The following TTC28 variants were observed in gnomAD, a reference collection of about 807,000 sequenced individuals.
The protein encoded by TTC28 is tetratricopeptide repeat domain 28.
In TTC28, 61 loss-of-function variants were observed where a neutral mutation model predicts 198.0. The ratio of observed to expected loss-of-function variants is 0.31; its 90% CI spans 0.25 to 0.38. The LOEUF is 0.38. Ranked by LOEUF, TTC28 falls within the 10% of genes least tolerant of loss-of-function variation. The pLI is 1.00. For synonymous variants in TTC28, 1,171 were observed against 1,297.8 expected (o/e 0.90, Z 2.10); for missense variants, 2,678 against 3,164.0 (o/e 0.85, Z 3.69).
intron 2 of TTC28, among the ~76,000 whole-genome samples, chr22:28,345,563 G>A (rs1029018917): frequency 6.6e-5 from 10 of 152,134 alleles, no homozygotes; most frequent in African/African-American, 2.2e-4. Flanking sequence ...GCAACTTTGA[G>A]GGTTTGGCAA....
intron 17 of TTC28, among the ~76,000 whole-genome samples, chr22:27,993,842 C>T (rs1937501164): frequency 6.6e-6 from 1 of 152,224 alleles, no homozygotes; most frequent in African/African-American, 2.4e-5. Context: ...AGGGGCCTGC[C>T]TCAACCATGT....
intron 12 of TTC28, among the ~76,000 whole-genome samples, chr22:28,087,210 A>C (rs1247555085): frequency 6.6e-6 from 1 of 152,186 alleles, no homozygotes; most frequent in African/African-American, 2.4e-5. Flanking sequence ...CAAAACAAAA[A>C]AAGAGAATTT....
At chr22:28,361,464 T>C (rs899461876) in intron 2 of TTC28, among the ~76,000 whole-genome samples, 3 of 152,088 alleles carry the variant, frequency 2.0e-5, no homozygotes, top group Non-Finnish European at 4.4e-5. Flanking sequence ...TATTCAGTTC[T>C]ATGAAGTCTG....
intron 13 of TTC28, among the ~76,000 whole-genome samples, chr22:28,023,556 C>T (rs1211891841): frequency 6.6e-6 from 1 of 152,248 alleles, no homozygotes; most frequent in African/African-American, 2.4e-5. Context: ...AAGGACTTTC[C>T]ACTTTCAATT....
intron 2 of TTC28, among the ~76,000 whole-genome samples, chr22:28,392,686 T>G (rs1292136515): frequency 1.3e-5 from 2 of 152,148 alleles, no homozygotes; most frequent in Non-Finnish European, 2.9e-5. Flanking sequence ...AGGCAATGCC[T>G]CGCCCTGCTT....
At chr22:28,458,126 T>C (rs1220450810) in intron 2 of TTC28, among the ~76,000 whole-genome samples, 4 of 152,008 alleles carry the variant, frequency 2.6e-5, no homozygotes, top group African/African-American at 9.7e-5. Context: ...TTACTAGGTA[T>C]AAAATATGTT....
chr22:28,637,004 G>GTTTTTTTT (rs35849354), intron 1 of TTC28, among the ~76,000 whole-genome samples: 4 of 97,302 alleles, frequency 4.1e-5, no homozygotes, highest in African/African-American at 3.8e-5. Context: ...CAGGTCTTCA[G>GTTTTTTTT]TTTTTTTTTT....
intron 20 of TTC28, among the ~76,000 whole-genome samples, chr22:27,990,263 G>A (rs1408326515): frequency 6.6e-6 from 1 of 152,162 alleles, no homozygotes; most frequent in Non-Finnish European, 1.5e-5. Flanking sequence ...TTCCAGCCTT[G>A]TGTCTTCCCT....
intron 2 of TTC28, among the ~76,000 whole-genome samples, chr22:28,601,449 C>CT (rs923122935): frequency 1.3e-5 from 2 of 152,178 alleles, no homozygotes; most frequent in African/African-American, 2.4e-5. Flanking sequence ...ATATAGACTT[C>CT]TTTTTTTGTC....
intron 2 of TTC28, among the ~76,000 whole-genome samples, chr22:28,621,852 C>A (rs1265121576): frequency 1.3e-5 from 2 of 151,122 alleles, no homozygotes; most frequent in Non-Finnish European, 3.0e-5. Flanking sequence ...AGATAAATAT[C>A]TTAAATGTAT....
intron 2 of TTC28, among the ~76,000 whole-genome samples, chr22:28,311,954 A>G (rs1214324802): frequency 6.6e-6 from 1 of 151,862 alleles, no homozygotes; most frequent in Admixed American, 6.6e-5. Context: ...TGCTGTATTC[A>G]GGAGATCCAT....
At chr22:28,652,951 G>C (rs1177352031) in intron 1 of TTC28, among the ~76,000 whole-genome samples, 1 of 152,072 alleles carries the variant, frequency 6.6e-6, no homozygotes, top group Non-Finnish European at 1.5e-5. Context: ...ATCATTTCCT[G>C]TTCTGAAAGG....
At chr22:28,375,508 A>G (rs2046396282) in intron 2 of TTC28, among the ~76,000 whole-genome samples, 1 of 152,250 alleles carries the variant, frequency 6.6e-6, no homozygotes, top group Non-Finnish European at 1.5e-5. Flanking sequence ...TACATTATTT[A>G]GAGTATTAAG....
At chr22:28,358,766 C>T (rs994237658) in intron 2 of TTC28, among the ~76,000 whole-genome samples, 1 of 152,110 alleles carries the variant, frequency 6.6e-6, no homozygotes, top group African/African-American at 2.4e-5. Context: ...ACCCATGTGT[C>T]CACTGGTCTA....
chr22:28,373,619 TG>T (rs1266166384), intron 2 of TTC28, among the ~76,000 whole-genome samples: 2 of 152,188 alleles, frequency 1.3e-5, no homozygotes, highest in Admixed American at 1.3e-4. Flanking sequence ...TAAACAAGCT[TG>T]TTTAGTAGGT....
chr22:28,151,289 A>G (rs1375749080), intron 6 of TTC28, among the ~76,000 whole-genome samples: 2 of 152,238 alleles, frequency 1.3e-5, no homozygotes, highest in Non-Finnish European at 2.9e-5. Context: ...AAATGAACCA[A>G]GTGCCAACTG....
chr22:28,163,578 T>G lies in TTC28; in HGVS notation c.955A>C (p.Ser319Arg). ...ATGGCTGTGTACACGTGGCCCAGAC[T>G]GCTCAAGGCTGATGAAGCTGCCTGG... ...DREAASSALSSLGHVYTAIGD... is the reference protein window; with the variant it reads ...DREAASSALSRLGHVYTAIGD... The change falls in exon 6 of 23, where the codon AGT becomes CGT. Residue 319 changes from serine to arginine, a missense_variant. Coordinates refer to ENST00000397906, the MANE Select transcript of TTC28 (RefSeq NM_001145418.2). The G allele has an allele frequency of 6.5e-7, 1 of 1,540,356 alleles. No individual in the cohort carries two copies. The highest frequency in any genetic ancestry group is 8.8e-7 in the Non-Finnish European group (1 of 1,140,888).
Position 28,243,174 on chromosome 22 carries a change from C to CAAAAAAAAAAAAAAAAAAAAA in TTC28, c.933+53003_933+53023dup, listed in dbSNP as rs754700795. ...GCAACCTGGCAAAACCCCCTCTCTA[C>CAAAAAAAAAAAAAAAAAAAAA]AAAAAAAAAAAAAAAAAAAAAAAAA... On this transcript the variant is annotated intron_variant, in intron 5 of 22. Transcript: ENST00000397906. Among the ~76,000 whole-genome samples the CAAAAAAAAAAAAAAAAAAAAA allele has an allele frequency of 3.8e-4, 26 of 68,326 alleles. 4 individuals carry two copies. Among genetic ancestry groups the CAAAAAAAAAAAAAAAAAAAAA allele is most frequent in the Non-Finnish European group, 6.2e-4 (24 of 38,910 alleles). 44.8% of individuals were successfully genotyped at this position (68,326 alleles called of 152,430 possible). A position where few individuals can be genotyped will look rare whatever the true frequency, so the allele number is the denominator to read the frequency against.
intron 2 of TTC28, among the ~76,000 whole-genome samples, chr22:28,502,647 C>CA (rs369120193): frequency 0.06 from 8,528 of 142,034 alleles, 356 homozygotes; most frequent in Admixed American, 0.15. Flanking sequence ...GGCTCCGTCT[C>CA]AAAAAAAAAA....
Sources: allele counts gnomAD v4.1 joint callset (sites outside exome capture counted in the v4.1 genomes callset), GRCh38; gene constraint gnomAD v4.1.1; transcripts MANE v1.5; gene names NCBI Gene and HGNC (gene_info 2026-07-23, HGNC 2026-07-21).